Variants in MIR2052HG observed in about 807,000 individuals in gnomAD.
MIR2052HG encodes MIR2052 host gene.
At chr8:74,749,062 A>G (rs1210452525) in intron 4 of MIR2052HG, among the ~76,000 whole-genome samples, 1 of 152,200 alleles carries the variant, frequency 6.6e-6, no homozygotes. Flanking sequence ...GATAGCTATA[A>G]TGATTATAGA....
chr8:74,729,635 T>G lies in MIR2052HG; in HGVS notation n.372-22806T>G, dbSNP rs141270034. Among the ~76,000 whole-genome samples the G allele has an allele frequency of 4.8e-3, 726 of 152,254 alleles. 10 individuals carry two copies. Among genetic ancestry groups the G allele is most frequent in the African/African-American group, 0.016 (678 of 41,570 alleles). On this transcript the variant is annotated intron_variant and non_coding_transcript_variant, in intron 4 of 6. Transcript: ENST00000523442. The stretch of plus-strand genomic sequence containing the variant: ...CATTTGAAGGCTTTGTGTTTGAGAT[T>G]GGAAGTGTTGGAAGGAACATGATAG...
At chr8:74,694,254 G>T (rs920401833) in intron 2 of MIR2052HG, among the ~76,000 whole-genome samples, 14 of 152,172 alleles carry the variant, frequency 9.2e-5, no homozygotes, top group African/African-American at 2.9e-4. Context: ...ACTCAGCAGA[G>T]AAATAACAAT....
intron 2 of MIR2052HG, among the ~76,000 whole-genome samples, chr8:74,668,194 A>AT (rs140407950): frequency 0.03 from 4,590 of 151,550 alleles, 156 homozygotes; most frequent in African/African-American, 0.081. Context: ...GCCAGAGTGC[A>AT]TTTTTTTCCC....
chr8:74,693,741 T>A (rs1037981325), intron 2 of MIR2052HG, among the ~76,000 whole-genome samples: 1 of 151,638 alleles, frequency 6.6e-6, no homozygotes, highest in Non-Finnish European at 1.5e-5. Flanking sequence ...GGTGTCATAA[T>A]CCCCCTGAAA....
intron 4 of MIR2052HG, among the ~76,000 whole-genome samples, chr8:74,716,998 A>G (rs1809527408): frequency 6.6e-6 from 1 of 152,000 alleles, no homozygotes; most frequent in African/African-American, 2.4e-5. Flanking sequence ...TTTTAATTTA[A>G]TTTAAGTTTT....
chr8:74,720,357 T>C (rs931628655), intron 4 of MIR2052HG, among the ~76,000 whole-genome samples: 6 of 152,230 alleles, frequency 3.9e-5, no homozygotes, highest in Non-Finnish European at 7.3e-5. Context: ...CCTAGGTCTA[T>C]CTCTCTTGTG....
At chr8:74,613,734 G>A (rs373499828) in intron 2 of MIR2052HG, among the ~76,000 whole-genome samples, 70 of 152,248 alleles carry the variant, frequency 4.6e-4, no homozygotes, top group African/African-American at 9.4e-4. Flanking sequence ...TGATCCACCC[G>A]ACTCCGCCTC....
intron 2 of MIR2052HG, among the ~76,000 whole-genome samples, chr8:74,678,436 G>A (rs559592404): frequency 7.2e-5 from 11 of 151,758 alleles, no homozygotes; most frequent in Admixed American, 2.0e-4. Context: ...AGTGGCAGGC[G>A]CCTGTAATCC....
chr8:74,650,431 C>T (rs1176204314), intron 2 of MIR2052HG, among the ~76,000 whole-genome samples: 1 of 152,040 alleles, frequency 6.6e-6, no homozygotes, highest in African/African-American at 2.4e-5. Context: ...TCATTTTATC[C>T]ATTCATTAGT....
At chr8:74,676,581 A>T (rs1375539117) in intron 2 of MIR2052HG, among the ~76,000 whole-genome samples, 1 of 151,972 alleles carries the variant, frequency 6.6e-6, no homozygotes, top group Admixed American at 6.6e-5. Context: ...ATAGAAAAAA[A>T]ATGTGGCAAG....
At chr8:74,719,076 C>CTT (rs56242876) in intron 4 of MIR2052HG, among the ~76,000 whole-genome samples, 6 of 144,436 alleles carry the variant, frequency 4.2e-5, no homozygotes, top group African/African-American at 1.0e-4. Context: ...CCGTGTACAT[C>CTT]TTTTTTTTTT....
chr8:74,624,581 G>T (rs1808410086), intron 2 of MIR2052HG, among the ~76,000 whole-genome samples: 1 of 152,220 alleles, frequency 6.6e-6, no homozygotes, highest in Non-Finnish European at 1.5e-5. Context: ...TCTGGAGTTT[G>T]CATACTTGCC....
chr8:74,749,065 A>T (rs1809916247), intron 4 of MIR2052HG, among the ~76,000 whole-genome samples: 1 of 152,188 alleles, frequency 6.6e-6, no homozygotes, highest in Non-Finnish European at 1.5e-5. Flanking sequence ...AGCTATAATG[A>T]TTATAGAATT....
At chr8:74,604,763 T>G (rs1808087574) in intron 1 of MIR2052HG, among the ~76,000 whole-genome samples, 1 of 151,280 alleles carries the variant, frequency 6.6e-6, no homozygotes, top group Non-Finnish European at 1.5e-5. Flanking sequence ...CTGGCTAATT[T>G]TTGTATTTTT....
chr8:74,731,891 A>T (rs1020589025), intron 4 of MIR2052HG, among the ~76,000 whole-genome samples: 2 of 152,206 alleles, frequency 1.3e-5, no homozygotes, highest in Non-Finnish European at 2.9e-5. Flanking sequence ...AAGAATAATT[A>T]TAGAAGTAGA....
At chr8:74,729,845 C>T (rs1809672909) in intron 4 of MIR2052HG, among the ~76,000 whole-genome samples, 1 of 152,062 alleles carries the variant, frequency 6.6e-6, no homozygotes, top group African/African-American at 2.4e-5. Context: ...AAATTAAATT[C>T]TTTTGATCTT....
intron 1 of MIR2052HG, among the ~76,000 whole-genome samples, chr8:74,605,203 A>T (rs1808093829): frequency 6.6e-6 from 1 of 152,034 alleles, no homozygotes; most frequent in Admixed American, 6.5e-5. Flanking sequence ...GGTTGCCATT[A>T]CTTGCATGCT....
chr8:74,668,864 C>G (rs1470295539), intron 2 of MIR2052HG, among the ~76,000 whole-genome samples: 2 of 152,182 alleles, frequency 1.3e-5, no homozygotes, highest in Non-Finnish European at 2.9e-5. Flanking sequence ...TGCGGAAGCT[C>G]ATTTCATTTT....
chr8:74,748,463 G>A (rs573747983), intron 4 of MIR2052HG, among the ~76,000 whole-genome samples: 5 of 152,196 alleles, frequency 3.3e-5, no homozygotes, highest in South Asian at 2.1e-4. Context: ...TGCAATATAC[G>A]TGTCCAAGGA....
Sources: allele counts gnomAD v4.1 joint callset (sites outside exome capture counted in the v4.1 genomes callset), GRCh38; gene constraint gnomAD v4.1.1; transcripts MANE v1.5; gene names NCBI Gene and HGNC (gene_info 2026-07-23, HGNC 2026-07-21).